IGSF3: variants seen among roughly 807,000 people sequenced by gnomAD.
IGSF3 encodes the protein immunoglobulin superfamily member 3.
A neutral mutation model predicts 114.4 loss-of-function variants in IGSF3; 23 were observed. That is an observed-to-expected ratio of 0.20 (90% CI 0.14 to 0.28). IGSF3 has a LOEUF of 0.28. Among genes scored for constraint, IGSF3 ranks in the 10% least tolerant of loss-of-function variants. IGSF3 has a pLI of 1.00. For missense variants in IGSF3, 1,172 were observed against 1,591.5 expected (o/e 0.74, Z 4.48); for synonymous variants, 571 against 645.2 (o/e 0.88, Z 1.74).
intron 9 of IGSF3, among the ~76,000 whole-genome samples, chr1:116,581,891 C>T (rs1659617058): frequency 1.3e-5 from 2 of 152,186 alleles, no homozygotes; most frequent in African/African-American, 4.8e-5. Context: ...CTTTTCTCCT[C>T]CAGAGTCTAA....
At chr1:116,604,208 T>C (rs1285929831) in intron 5 of IGSF3, among the ~76,000 whole-genome samples, 183 bp from the exon 6 acceptor site, 3 of 152,192 alleles carry the variant, frequency 2.0e-5, no homozygotes, top group African/African-American at 7.2e-5. Context: ...TTGCTCCCTG[T>C]GGTTTTAGAT....
At chr1:116,580,965 A>T (rs143063950) in intron 9 of IGSF3, among the ~76,000 whole-genome samples, 1 of 152,366 alleles carries the variant, frequency 6.6e-6, no homozygotes, top group African/African-American at 2.4e-5. Context: ...TGGCCTGCAG[A>T]ACTGTAAGAG....
In IGSF3 at chr1:116,586,264, T is replaced by A. The variant is rs945721814; in HGVS notation, c.2441-1212A>T. Among the ~76,000 whole-genome samples, 8 of 152,362 alleles carry A rather than the reference T, an allele frequency of 5.3e-5. No homozygotes were observed. In the South Asian group the frequency reaches 1.0e-3, roughly 20 times the overall value. On this transcript the variant is annotated intron_variant, in intron 8 of 10. Transcript: ENST00000369486. The stretch of plus-strand genomic sequence containing the variant: ...ATAAAATAACAAAATATATTTTAAA[T>A]AACCATTCTCCCTTTCTCCCTCCCC...
rs1361752850 is a variant in IGSF3, at chr1:116,651,525, C to T, written c.43+14759G>A. ...TAGAATTCCTTTTCAAATACCATAG[C>T]TAGCATTTCTTTGGCTAGAGAAAAC... On this transcript the variant is annotated intron_variant, in intron 2 of 10. Coordinates refer to ENST00000369486, the MANE Select transcript of IGSF3 (RefSeq NM_001007237.3). This position sits in a 1 kb window ranked among gnomAD's most constrained non-coding sequence, Gnocchi z 4.4. Among the ~76,000 whole-genome samples, 1 of 152,184 alleles carries T rather than the reference C, an allele frequency of 6.6e-6. No individual in the cohort carries two copies. The highest frequency in any genetic ancestry group is 1.5e-5 in the Non-Finnish European group (1 of 68,046).
rs77664792 is a variant in IGSF3, at chr1:116,589,560, T to C, written c.2030-456A>G. ...CCCTCAGGCACCCTCCACAGGCGCA[T>C]GCCCCTGGTGCAGTTTCCCTGAGCC... is the stretch of plus-strand genomic sequence containing the variant. On this transcript the variant is annotated intron_variant, in intron 7 of 10. Transcript: ENST00000369486. This position sits in a 1 kb window ranked among gnomAD's most constrained non-coding sequence, Gnocchi z 5.7. 6.6e-6 allele frequency among the ~76,000 whole-genome samples: 1 copy of C among 152,224 alleles called. No individual in the cohort carries two copies. The highest frequency in any genetic ancestry group is 2.1e-4 in the South Asian group (1 of 4,826).
rs1161285140 is a variant in IGSF3, at chr1:116,640,002, G to A, written c.44-23545C>T. Among the ~76,000 whole-genome samples, 8 of 145,594 alleles carry A rather than the reference G, an allele frequency of 5.5e-5. No homozygotes were observed. The East Asian group carries it at 6.0e-4, about 11-fold the overall frequency. ...TTGCAATGAGCCGAGATGGCACCGC[G>A]GCACTCCAGCCTGAGCAACAGCGTG... On this transcript the variant is annotated intron_variant, in intron 2 of 10. Transcript: ENST00000369486.
At chr1:116,599,399 C>T (rs1481150976) in intron 7 of IGSF3, among the ~76,000 whole-genome samples, 3 of 151,562 alleles carry the variant, frequency 2.0e-5, no homozygotes, top group South Asian at 2.1e-4. Flanking sequence ...TATACACACA[C>T]ACACACACAC....
chr1:116,585,389 C>G lies in IGSF3; in HGVS notation c.2441-337G>C, dbSNP rs148849243. 6.9e-3 allele frequency among the ~76,000 whole-genome samples: 1,046 copies of G among 152,166 alleles called. 12 individuals are homozygous for G. Among genetic ancestry groups the G allele is most frequent in the African/African-American group, 0.024 (1,002 of 41,506 alleles). On this transcript the variant is annotated intron_variant, in intron 8 of 10. Coordinates refer to ENST00000369486, the MANE Select transcript of IGSF3 (RefSeq NM_001007237.3). This position sits in a 1 kb window ranked among gnomAD's most constrained non-coding sequence, Gnocchi z 4.9. ...CCACAAAACATGTCGCTGGCCGGGG[C>G]AGGTGGCTGGGAAGGGCGGGGGAAG...
intron 7 of IGSF3, among the ~76,000 whole-genome samples, chr1:116,591,365 G>A (rs1173548200): frequency 1.3e-5 from 2 of 152,132 alleles, no homozygotes; most frequent in Non-Finnish European, 2.9e-5. Flanking sequence ...TGTTCAGCAT[G>A]GAGTAGAAAG....
intron 6 of IGSF3, among the ~76,000 whole-genome samples, chr1:116,601,626 A>C (rs928861353): frequency 2.6e-5 from 4 of 152,242 alleles, no homozygotes; most frequent in Non-Finnish European, 4.4e-5. Flanking sequence ...CACAGGATGA[A>C]TCTTTTGGCT....
intron 2 of IGSF3, among the ~76,000 whole-genome samples, chr1:116,622,686 T>C (rs980339317): frequency 2.0e-5 from 3 of 152,236 alleles, no homozygotes; most frequent in African/African-American, 7.2e-5. Flanking sequence ...ACTGTCCTAG[T>C]TTCTCTGCAT....
chr1:116,666,216 A>G lies in IGSF3; in HGVS notation c.43+68T>C, dbSNP rs189993554. On this transcript the variant is annotated intron_variant, in intron 2 of 10. Coordinates refer to ENST00000369486, the MANE Select transcript of IGSF3 (RefSeq NM_001007237.3). ...CTAGTGTTGATGAAAAAGAACCACG[A>G]GAAATTACAGGAACCAAGAGCAGGT... 9.8e-5 allele frequency: 141 copies of G among 1,433,972 alleles called. No individual in the cohort carries two copies. The African/African-American group carries it at 1.1e-3, about 11-fold the overall frequency. The allele number at this position is 1,433,972 out of a possible 1,614,324, so 88.8% of individuals were successfully genotyped here.
At chr1:116,617,954 T>C (rs1301262794) in intron 2 of IGSF3, among the ~76,000 whole-genome samples, 5 of 152,232 alleles carry the variant, frequency 3.3e-5, no homozygotes, top group Non-Finnish European at 7.3e-5. Flanking sequence ...CAAATGGGAA[T>C]GGCGGCTGCC....
intron 2 of IGSF3, among the ~76,000 whole-genome samples, chr1:116,617,777 A>G (rs545172274): frequency 1.3e-4 from 20 of 152,336 alleles, no homozygotes; most frequent in African/African-American, 4.6e-4. Context: ...TGGCTAAGAC[A>G]TATTTCTGCT....
At position 116,579,663 on chromosome 1, in the gene IGSF3, G is replaced by GTCCTCC. The variant is rs576658823; in HGVS notation, c.3062_3063insGGAGGA (p.Asp1020_Asp1021insGluGlu). 3,343 of 1,563,794 alleles carry GTCCTCC rather than the reference G, an allele frequency of 2.1e-3. 3 individuals carry two copies. Among genetic ancestry groups the GTCCTCC allele is most frequent in the Non-Finnish European group, 2.5e-3 (2,908 of 1,141,018 alleles). On this transcript the variant is annotated inframe_insertion, in exon 10 of 11. Transcript: ENST00000369486. This position sits in a 1 kb window ranked among gnomAD's most constrained non-coding sequence, Gnocchi z 6.4. ...GCTCTGTTGGGTCGTCGTCGTCGTC[G>GTCCTCC]TCGTCCTCCTCCTCCTCCTCCTCCC... is the stretch of plus-strand genomic sequence containing the variant.
rs762458330 is a variant in IGSF3 at position 116,648,778 on chromosome 1, T to C, written c.43+17506A>G. Among the ~76,000 whole-genome samples, 52 of 152,218 alleles carry C rather than the reference T, an allele frequency of 3.4e-4. No individual in the cohort carries two copies. Among genetic ancestry groups the C allele is most frequent in the Non-Finnish European group, 5.9e-4 (40 of 68,032 alleles). ...AGCCAGATAATTGAGACACTCCACC[T>C]GGTCACCACTGGACCCCAGCCACCC... On this transcript the variant is annotated intron_variant, in intron 2 of 10. Transcript: ENST00000369486. The surrounding 1 kb of genome is among the most constrained non-coding windows in gnomAD (Gnocchi z 4.7).
chr1:116,655,169 G>A lies in IGSF3; in HGVS notation c.43+11115C>T, dbSNP rs2101076309. 6.6e-6 allele frequency among the ~76,000 whole-genome samples: 1 copy of A among 152,286 alleles called. No individual in the cohort carries two copies. Among genetic ancestry groups the A allele is most frequent in the African/African-American group, 2.4e-5 (1 of 41,548 alleles). ...CATGATTTTAACTGTGAATTCTGTG[G>A]CACCGGAGATAACAGAACAATGAAT... On this transcript the variant is annotated intron_variant, in intron 2 of 10. Coordinates refer to ENST00000369486, the MANE Select transcript of IGSF3 (RefSeq NM_001007237.3). The surrounding 1 kb of genome is among the most constrained non-coding windows in gnomAD (Gnocchi z 4.3).
intron 2 of IGSF3, among the ~76,000 whole-genome samples, chr1:116,635,860 G>A (rs372671468): frequency 7.1e-4 from 108 of 152,296 alleles, no homozygotes; most frequent in East Asian, 1.3e-3. Flanking sequence ...CAGCTCATCC[G>A]TCATCTCTGC....
intron 2 of IGSF3, among the ~76,000 whole-genome samples, chr1:116,617,578 G>C (rs1310679222): frequency 6.6e-6 from 1 of 152,198 alleles, no homozygotes; most frequent in Non-Finnish European, 1.5e-5. Context: ...CATGGGTTCC[G>C]ATGCTGGCTT....
Sources: gnomAD v4.1 joint callset for allele counts (sites outside exome capture counted in the v4.1 genomes callset) on GRCh38, gnomAD v4.1.1 for gene constraint, Gnocchi (gnomAD v3.1) non-coding constraint, MANE v1.5 for transcripts, NCBI Gene and HGNC (gene_info 2026-07-23, HGNC 2026-07-21) for gene names.